THOC7: variants seen among roughly 807,000 people sequenced by gnomAD.
THOC7 encodes NIF3L1-binding protein 1.
Under a neutral mutation model 33.1 loss-of-function variants are expected in THOC7, and 22 were observed. The observed-to-expected ratio is 0.66, with a 90% CI of 0.47 to 0.95. THOC7 has a LOEUF of 0.95. THOC7 is among the 40% of genes least tolerant of loss of function. THOC7 has a pLI of 0.00. For missense variants in THOC7, 184 were observed against 245.3 expected (o/e 0.75, Z 1.67); for synonymous variants, 77 against 76.8 (o/e 1.00, Z -0.01).
rs755932092 is a variant in THOC7, at chr3:63,838,507, AAAAG to A, written c.138-12_138-9del. Reference sequence around the variant, plus strand: ...CGTTGGTACTGGCTATATCTAATGAAAAAGAAAGAAAACCAAAATAAAGATATTT... The same window carrying A: ...CGTTGGTACTGGCTATATCTAATGAAAAAGAAAACCAAAATAAAGATATTT... On this transcript the variant is annotated splice_polypyrimidine_tract_variant and intron_variant, in intron 2 of 7. Transcript: ENST00000295899. 1 of 1,579,056 alleles carries A rather than the reference AAAAG, an allele frequency of 6.3e-7. No individual in the cohort carries two copies. Among genetic ancestry groups the A allele is most frequent in the Non-Finnish European group, 8.5e-7 (1 of 1,170,750 alleles).
At chr3:63,844,991 T>G (rs903056820) in intron 1 of THOC7, 2 of 685,008 alleles carry the variant, frequency 2.9e-6, no homozygotes, top group Non-Finnish European at 2.7e-6. Flanking sequence ...AATTGAGATC[T>G]TTACATTTGT....
In THOC7 at chr3:63,834,044, A is replaced by G. The variant is rs967635172; in HGVS notation, c.*88T>C. 24 of 1,330,288 alleles carry G rather than the reference A, an allele frequency of 1.8e-5. No homozygotes were observed. The highest frequency in any genetic ancestry group is 1.3e-4 in the Admixed American group (6 of 45,582). 82.4% of individuals were successfully genotyped at this position (1,330,288 alleles called of 1,614,324 possible). A position where few individuals can be genotyped will look rare whatever the true frequency, so the allele number is the denominator to read the frequency against. On this transcript the variant is annotated 3_prime_UTR_variant, in exon 8 of 8. Coordinates refer to ENST00000295899, the MANE Select transcript of THOC7 (RefSeq NM_025075.4). ...CAGAGTATTTTACTGCCAAAACTTT[A>G]AATATCTCAAGAGCATACCACATTT...
At chr3:63,839,300 A>C (rs1225774656) in intron 2 of THOC7, among the ~76,000 whole-genome samples, 1 of 152,192 alleles carries the variant, frequency 6.6e-6, no homozygotes, top group Non-Finnish European at 1.5e-5. Flanking sequence ...ATCACGATTA[A>C]TTTTGCACCA....
chr3:63,861,955 C>T (rs1444603996), intron 1 of THOC7: 3 of 152,130 alleles, frequency 2.0e-5, no homozygotes, highest in African/African-American at 2.4e-5. Context: ...CTGTGCCAGA[C>T]CAATTTTTTT....
At chr3:63,840,856 T>C (rs1004881677) in intron 1 of THOC7, among the ~76,000 whole-genome samples, 4 of 152,212 alleles carry the variant, frequency 2.6e-5, no homozygotes, top group African/African-American at 9.6e-5. Flanking sequence ...AACTGGTAAT[T>C]CTTTGTAGGG....
chr3:63,863,367 C>A (rs2276863), intron 1 of THOC7: 110,250 of 874,472 alleles, frequency 0.13, 7,386 homozygotes, highest in Admixed American at 0.16. Context: ...CACTGTCCAC[C>A]CTTCGCGGCT....
intron 3 of THOC7, 125 bp downstream of exon 3, chr3:63,838,247 G>A (rs1701674800): frequency 4.4e-6 from 4 of 916,170 alleles, no homozygotes; most frequent in Non-Finnish European, 6.4e-6. Context: ...AACATTTACT[G>A]TATTCTTTCC....
rs746845581 is a variant in THOC7 at position 63,841,576 on chromosome 3, T to C, written c.20-1803A>G. ...ATGGCTCCAGTTTTAAAATATATTG[T>C]GATAATATCAGATAAACATTTTTAG... On this transcript the variant is annotated intron_variant, in intron 1 of 7. Coordinates refer to ENST00000295899, the MANE Select transcript of THOC7 (RefSeq NM_025075.4). Among the ~76,000 whole-genome samples the C allele has an allele frequency of 4.6e-5, 7 of 152,188 alleles. No homozygotes were observed. The South Asian group carries it at 1.4e-3, about 31-fold the overall frequency.
chr3:63,840,875 C>A (rs62253804), intron 1 of THOC7, among the ~76,000 whole-genome samples: 4,401 of 152,248 alleles, frequency 0.029, 104 homozygotes, highest in South Asian at 0.064. Flanking sequence ...GGCCACTGAA[C>A]AATAACAAAT....
At chr3:63,862,153 T>C (rs1702236605) in intron 1 of THOC7, among the ~76,000 whole-genome samples, 1 of 152,226 alleles carries the variant, frequency 6.6e-6, no homozygotes, top group Non-Finnish European at 1.5e-5. Flanking sequence ...TTTAATGGAT[T>C]CCTATTGCCC....
At chr3:63,836,029 T>C (rs889589718) in intron 5 of THOC7, among the ~76,000 whole-genome samples, 3 of 152,038 alleles carry the variant, frequency 2.0e-5, no homozygotes, top group Non-Finnish European at 2.9e-5. Flanking sequence ...TTTATTCTTT[T>C]TAACTGAAAT....
chr3:63,856,837 C>T (rs956946889), intron 1 of THOC7, among the ~76,000 whole-genome samples: 3 of 152,100 alleles, frequency 2.0e-5, no homozygotes, highest in East Asian at 1.9e-4. Flanking sequence ...ACTGCCTCAG[C>T]CTCCCAAGTA....
chr3:63,857,959 C>T (rs1702143396), intron 1 of THOC7, among the ~76,000 whole-genome samples: 1 of 152,056 alleles, frequency 6.6e-6, no homozygotes, highest in African/African-American at 2.4e-5. Flanking sequence ...GCAGTTATCC[C>T]TGTGTTGGGG....
intron 1 of THOC7, among the ~76,000 whole-genome samples, chr3:63,857,242 G>T (rs1009663305): frequency 1.3e-5 from 2 of 152,128 alleles, no homozygotes; most frequent in African/African-American, 4.8e-5. Context: ...ATTTCTTCTT[G>T]AATTTACTGA....
Position 63,835,350 on chromosome 3 carries a change from G to T in THOC7, c.451C>A (p.His151Asn). The change falls in exon 6 of 8, where the codon CAC becomes AAC. Residue 151 changes from histidine to asparagine, a missense_variant. Around this residue, in one of 3 missense-constraint regions of THOC7, gnomAD observed 157 missense variants for 201.3 expected, o/e 0.78. Transcript: ENST00000295899. The stretch of plus-strand genomic sequence containing the variant: ...TTATCTTCAACACTTTCTTTAATGT[G>T]TGAAAGATGCTCTAATTCTTTTCCC... ...ALGKELEHLSHIKESVEDKLE... is the reference protein window; with the variant it reads ...ALGKELEHLSNIKESVEDKLE... 1 of 1,613,474 alleles carries T rather than the reference G, an allele frequency of 6.2e-7. No homozygotes were observed. The highest frequency in any genetic ancestry group is 8.5e-7 in the Non-Finnish European group (1 of 1,179,726).
chr3:63,857,816 G>A (rs945619512), intron 1 of THOC7, among the ~76,000 whole-genome samples: 1 of 152,096 alleles, frequency 6.6e-6, no homozygotes, highest in Non-Finnish European at 1.5e-5. Context: ...ATCATGTTGA[G>A]GTCCTTTGTC....
intron 1 of THOC7, among the ~76,000 whole-genome samples, chr3:63,842,087 T>TA (rs1179064342): frequency 6.6e-6 from 1 of 152,160 alleles, no homozygotes; most frequent in African/African-American, 2.4e-5. Flanking sequence ...TAAGAGAGAT[T>TA]AAAGTTTGAT....
At chr3:63,863,601 A>G (rs974038931) in intron 1 of THOC7, 171 bp downstream of exon 1, 32 of 1,194,362 alleles carry the variant, frequency 2.7e-5, no homozygotes, top group Non-Finnish European at 3.2e-5. Flanking sequence ...GACTCAGGGA[A>G]GCAGCCGGGG....
At chr3:63,862,163 C>CTTAGAGATCTCTGGCTCATAACTT (rs1268720552) in intron 1 of THOC7, among the ~76,000 whole-genome samples, 1 of 152,212 alleles carries the variant, frequency 6.6e-6, no homozygotes, top group Non-Finnish European at 1.5e-5. Flanking sequence ...TCCTATTGCC[C>CTTAGAGATCTCTGGCTCATAACTT]TTAGAGATCT....
Sources: gnomAD v4.1 joint callset for allele counts (sites outside exome capture counted in the v4.1 genomes callset) on GRCh38, gnomAD v4.1.1 for gene constraint, gnomAD v4.1.1 regional missense constraint, MANE v1.5 for transcripts, NCBI Gene and HGNC (gene_info 2026-07-23, HGNC 2026-07-21) for gene names.